The following ITPR2 variants were observed in gnomAD, a reference collection of about 807,000 sequenced individuals.
The protein encoded by ITPR2 is inositol 1,4,5-trisphosphate receptor type 2, also known as inositol 1,4,5-trisphosphate-gated calcium channel ITPR2.
In ITPR2, 207 loss-of-function variants were observed where a neutral mutation model predicts 317.1. The ratio of observed to expected loss-of-function variants is 0.65; its 90% CI spans 0.58 to 0.73. ITPR2 has a LOEUF of 0.73. Among genes scored for constraint, ITPR2 ranks in the 30% least tolerant of loss-of-function variants. The pLI, the probability that ITPR2 is intolerant of heterozygous loss-of-function variation, is 0.00. For missense variants in ITPR2, 2,613 were observed against 3,284.0 expected (o/e 0.80, Z 4.99); for synonymous variants, 1,156 against 1,149.1 (o/e 1.01, Z -0.12).
intron 37 of ITPR2, among the ~76,000 whole-genome samples, chr12:26,496,449 T>C (rs1942933215): frequency 6.6e-6 from 1 of 152,210 alleles, no homozygotes; most frequent in East Asian, 1.9e-4. Context: ...TGGCTGGCAA[T>C]TTCATCTTCT....
chr12:26,363,967 G>A (rs931644896), intron 55 of ITPR2, among the ~76,000 whole-genome samples: 1 of 152,166 alleles, frequency 6.6e-6, no homozygotes, highest in African/African-American at 2.4e-5. Context: ...AGGCAACACT[G>A]GCAATTAGGA....
chr12:26,349,712 T>C (rs1023350288), intron 55 of ITPR2, among the ~76,000 whole-genome samples: 3 of 152,226 alleles, frequency 2.0e-5, no homozygotes, highest in Admixed American at 1.3e-4. Flanking sequence ...CAAAGGCTGG[T>C]GTCACTGCCG....
At chr12:26,425,395 G>A (rs1024510503) in intron 49 of ITPR2, among the ~76,000 whole-genome samples, 2 of 151,974 alleles carry the variant, frequency 1.3e-5, no homozygotes, top group East Asian at 1.9e-4. Context: ...GCGGCCAGGC[G>A]CAGTGGCTCA....
At chr12:26,467,452 C>A (rs973627698) in intron 45 of ITPR2, among the ~76,000 whole-genome samples, 2 of 152,064 alleles carry the variant, frequency 1.3e-5, no homozygotes, top group African/African-American at 2.4e-5. Context: ...ATTCAAGGGT[C>A]TGAAATATAC....
At chr12:26,668,463 A>C (rs1000796559) in intron 13 of ITPR2, among the ~76,000 whole-genome samples, 2 of 152,224 alleles carry the variant, frequency 1.3e-5, no homozygotes, top group Non-Finnish European at 2.9e-5. Flanking sequence ...TCTCGATATC[A>C]GATCTGGCTC....
At chr12:26,700,102 T>A (rs953980633) in intron 9 of ITPR2, among the ~76,000 whole-genome samples, 4 of 152,100 alleles carry the variant, frequency 2.6e-5, no homozygotes, top group Non-Finnish European at 5.9e-5. Context: ...AAGACATAAA[T>A]ACAGTCAGCT....
At chr12:26,446,732 C>CAAAAAAAAA (rs34601956) in intron 45 of ITPR2, among the ~76,000 whole-genome samples, 1 of 122,768 alleles carries the variant, frequency 8.1e-6, no homozygotes, top group Non-Finnish European at 1.7e-5. Flanking sequence ...AAAAGGGACT[C>CAAAAAAAAA]AAAAAAAAAA....
At chr12:26,669,251 A>G (rs943679854) in intron 13 of ITPR2, among the ~76,000 whole-genome samples, 21 of 152,118 alleles carry the variant, frequency 1.4e-4, no homozygotes, top group Admixed American at 3.9e-4. Context: ...GATACTAGCA[A>G]AGAGAACTAT....
At chr12:26,396,167 G>A (rs1279054263) in intron 54 of ITPR2, among the ~76,000 whole-genome samples, 1 of 152,048 alleles carries the variant, frequency 6.6e-6, no homozygotes, top group Non-Finnish European at 1.5e-5. Flanking sequence ...AAATGGAGGT[G>A]GTGATAGCTG....
chr12:26,656,484 A>G lies in ITPR2; in HGVS notation c.2257T>C (p.Ser753Pro), dbSNP rs766311108. Residue 753 changes from serine (S) to proline (P), a missense_variant, in exon 19 of 57, where the codon TCT (serine) becomes CCT (proline). By Grantham distance (74) the Ser-to-Pro change is moderately conservative (BLOSUM62 -1). Around this residue, in one of 9 missense-constraint regions of ITPR2, gnomAD observed 817 missense variants for 897.6 expected, o/e 0.91. Transcript: ENST00000381340. ...DRQYLAINQI[S>P]TQLSVDLILR... ...ATCAGGTCTACAGACAGCTGTGTAG[A>G]AATCTGGTTTATGGCCAGATACTGG... is the stretch of plus-strand genomic sequence containing the variant. The G allele has an allele frequency of 1.9e-6, 3 of 1,614,248 alleles. No individual in the cohort carries two copies. Among genetic ancestry groups the G allele is most frequent in the Non-Finnish European group, 2.5e-6 (3 of 1,180,042 alleles).
At chr12:26,820,052 C>T (rs1455987359) in intron 1 of ITPR2, among the ~76,000 whole-genome samples, 2 of 152,082 alleles carry the variant, frequency 1.3e-5, no homozygotes, top group East Asian at 1.9e-4. Flanking sequence ...GCCTGGGTGA[C>T]AGCAGAGTGA....
At chr12:26,392,643 AG>A in intron 54 of ITPR2, among the ~76,000 whole-genome samples, 1 of 152,382 alleles carries the variant, frequency 6.6e-6, no homozygotes, top group Middle Eastern at 3.4e-3. Context: ...GAGAGACTGA[AG>A]AGGCATTTTG....
At chr12:26,782,037 TAGAG>T (rs1177233376) in intron 2 of ITPR2, among the ~76,000 whole-genome samples, 5,225 of 51,144 alleles carry the variant, frequency 0.1, 159 homozygotes, top group South Asian at 0.12. Context: ...TATATATGTA[TAGAG>T]AGAGAGAGAG....
intron 2 of ITPR2, among the ~76,000 whole-genome samples, chr12:26,758,939 A>C (rs1949580748): frequency 6.6e-6 from 1 of 152,220 alleles, no homozygotes; most frequent in Admixed American, 6.5e-5. Context: ...ATCCTCCTGC[A>C]TACAGTCTCT....
rs1223048296 is a variant in ITPR2 at position 26,784,569 on chromosome 12, C to G, written c.163+5588G>C. On this transcript the variant is annotated intron_variant, in intron 2 of 56. Transcript: ENST00000381340. ...GTGTTGGCCGGGCTGGTCTCCAGCT[C>G]CTAACCGCGAGTGATCCGCCAGCCT... Among the ~76,000 whole-genome samples the G allele has an allele frequency of 3.3e-5, 5 of 151,790 alleles. No individual in the cohort carries two copies. The East Asian group carries it at 7.9e-4, about 24-fold the overall frequency.
rs1394619179 is a variant in ITPR2, at chr12:26,615,840, T to TA, written c.3462+5282dup. On this transcript the variant is annotated intron_variant, in intron 26 of 56. Transcript: ENST00000381340. ...AAAATGTCAACAAATCTCTCTCACTTATTGATATGTCAAGAAAATAAAAAT... is the reference window on the plus strand; with the variant it reads ...AAAATGTCAACAAATCTCTCTCACTTAATTGATATGTCAAGAAAATAAAAAT... Among the ~76,000 whole-genome samples, 16 of 152,280 alleles carry TA rather than the reference T, an allele frequency of 1.1e-4. No individual in the cohort carries two copies. In the South Asian group the frequency reaches 1.2e-3, roughly 12 times the overall value.
intron 37 of ITPR2, among the ~76,000 whole-genome samples, chr12:26,504,771 T>C (rs979659155): frequency 3.3e-5 from 5 of 152,080 alleles, no homozygotes; most frequent in Non-Finnish European, 1.5e-5. Flanking sequence ...ATGATAGCAA[T>C]AGCAAAACAA....
chr12:26,444,879 T>C (rs4963997), intron 45 of ITPR2, among the ~76,000 whole-genome samples: 93,350 of 151,984 alleles, frequency 0.61, 30,884 homozygotes, highest in Non-Finnish European at 0.72. Context: ...GAATTGGTTT[T>C]CTGGGTCACT....
chr12:26,775,941 T>TATATACATAC, intron 2 of ITPR2, among the ~76,000 whole-genome samples: 1 of 145,420 alleles, frequency 6.9e-6, no homozygotes, highest in Non-Finnish European at 1.5e-5. Flanking sequence ...TACATATATA[T>TATATACATAC]ATATATGTAT....
Sources: allele counts gnomAD v4.1 joint callset (sites outside exome capture counted in the v4.1 genomes callset), GRCh38; gene constraint gnomAD v4.1.1; regional missense constraint gnomAD v4.1.1; transcripts MANE v1.5; gene names NCBI Gene and HGNC (gene_info 2026-07-23, HGNC 2026-07-21).